Variants in NDST3 observed in about 807,000 individuals in gnomAD.
NDST3 encodes the protein N-deacetylase and N-sulfotransferase 3.
Under a neutral mutation model 96.1 loss-of-function variants are expected in NDST3, and 58 were observed. The ratio of observed to expected loss-of-function variants is 0.60; its 90% CI spans 0.49 to 0.75. NDST3 has a LOEUF of 0.75. Ranked by LOEUF, NDST3 falls within the 30% of genes least tolerant of loss-of-function variation. NDST3 has a pLI of 0.00. For synonymous variants in NDST3, 333 were observed against 359.7 expected (o/e 0.93, Z 0.84); for missense variants, 788 against 1,034.2 (o/e 0.76, Z 3.27).
At chr4:118,251,285 C>A (rs1334871846) in intron 12 of NDST3, among the ~76,000 whole-genome samples, 4 of 151,238 alleles carry the variant, frequency 2.6e-5, no homozygotes, top group African/African-American at 9.7e-5. Flanking sequence ...TGCCACCACG[C>A]CCGGCTAATT....
At chr4:118,076,014 ATTTG>A in intron 2 of NDST3, among the ~76,000 whole-genome samples, 1 of 152,088 alleles carries the variant, frequency 6.6e-6, no homozygotes, top group Admixed American at 6.5e-5. Flanking sequence ...TTCCCTTAGT[ATTTG>A]TTTGTTTGCA....
intron 2 of NDST3, among the ~76,000 whole-genome samples, chr4:118,071,079 AT>A (rs1188222757): frequency 6.6e-6 from 1 of 152,028 alleles, no homozygotes; most frequent in Non-Finnish European, 1.5e-5. Flanking sequence ...GCTGCATAGT[AT>A]TCCATGGTGT....
At chr4:118,066,208 TATTA>T in intron 2 of NDST3, among the ~76,000 whole-genome samples, 1 of 71,284 alleles carries the variant, frequency 1.4e-5, no homozygotes, top group African/African-American at 5.5e-5. Flanking sequence ...ATATTTTATA[TATTA>T]TACATAATAT....
intron 1 of NDST3, among the ~76,000 whole-genome samples, chr4:118,039,684 A>T (rs1430303314): frequency 6.6e-6 from 1 of 152,166 alleles, no homozygotes; most frequent in East Asian, 1.9e-4. Context: ...AGGGATATAT[A>T]TACTTAGAAC....
chr4:118,068,790 A>G (rs1477442898), intron 2 of NDST3, among the ~76,000 whole-genome samples: 1 of 152,112 alleles, frequency 6.6e-6, no homozygotes, highest in Non-Finnish European at 1.5e-5. Context: ...GTTGTATAAA[A>G]ATATTTAATT....
At chr4:118,033,730 G>A (rs1724000431), upstream of NDST3, 1 of 152,268 alleles carries the variant, frequency 6.6e-6, no homozygotes, top group African/African-American at 2.4e-5. Flanking sequence ...AGCGGCCGAA[G>A]TCGCCACCAG....
At chr4:118,141,048 C>T (rs144431602) in intron 5 of NDST3, among the ~76,000 whole-genome samples, 47 of 152,244 alleles carry the variant, frequency 3.1e-4, no homozygotes, top group African/African-American at 1.1e-3. Flanking sequence ...ATTGGTATCT[C>T]CCCAGAAGTA....
intron 2 of NDST3, among the ~76,000 whole-genome samples, chr4:118,070,554 T>C (rs1248365472): frequency 3.7e-4 from 56 of 152,106 alleles, no homozygotes; most frequent in Admixed American, 3.7e-3. Flanking sequence ...TCCATAAGCT[T>C]ACTTTTAATT....
intron 6 of NDST3, among the ~76,000 whole-genome samples, chr4:118,192,877 G>A (rs972502827): frequency 5.9e-5 from 9 of 152,102 alleles, no homozygotes; most frequent in Non-Finnish European, 1.3e-4. Context: ...GGGGACAGGG[G>A]GTGGTCACCA....
chr4:118,247,010 T>C (rs1028953976), intron 12 of NDST3, among the ~76,000 whole-genome samples: 7 of 152,150 alleles, frequency 4.6e-5, no homozygotes, highest in Admixed American at 3.3e-4. Context: ...TTTTGCAGTT[T>C]CTTAAAAACT....
Position 118,091,845 on chromosome 4 carries a change from T to C in NDST3, c.982-13173T>C, listed in dbSNP as rs191411226. Among the ~76,000 whole-genome samples the C allele has an allele frequency of 6.7e-3, 1,012 of 151,922 alleles. 8 individuals carry two copies. The highest frequency in any genetic ancestry group is 0.023 in the African/African-American group (970 of 41,488). On this transcript the variant is annotated intron_variant, in intron 2 of 13. Transcript: ENST00000296499. ...TATTATAATTGACTTCATTTTATAA[T>C]CTCTACTATGTTTTTTCTTTTTCTT...
At chr4:118,130,598 C>T (rs1228201278) in intron 4 of NDST3, among the ~76,000 whole-genome samples, 3 of 152,134 alleles carry the variant, frequency 2.0e-5, no homozygotes, top group African/African-American at 7.2e-5. Flanking sequence ...GAAGTTTACA[C>T]ACCACCATTA....
At chr4:118,109,935 G>C (rs1408505996) in intron 3 of NDST3, among the ~76,000 whole-genome samples, 1 of 151,956 alleles carries the variant, frequency 6.6e-6, no homozygotes, top group African/African-American at 2.4e-5. Context: ...GAAATAAAGG[G>C]GTAAAACATA....
chr4:118,098,801 AGCCCT>A (rs1278819999), intron 2 of NDST3, among the ~76,000 whole-genome samples: 1 of 152,090 alleles, frequency 6.6e-6, no homozygotes, highest in African/African-American at 2.4e-5. Context: ...AAGGATATAA[AGCCCT>A]GTGAAGTTAC....
Position 118,138,367 on chromosome 4 carries a change from T to C in NDST3, c.1410+128T>C, listed in dbSNP as rs1223843269. Reference sequence around the variant, plus strand: ...AAGCTCCATGCTGCAGGAAGCATATTTGTCATATCTAAGCAGAAAATGTTT... The same window carrying C: ...AAGCTCCATGCTGCAGGAAGCATATCTGTCATATCTAAGCAGAAAATGTTT... On this transcript the variant is annotated intron_variant, in intron 5 of 13. Coordinates refer to ENST00000296499, the MANE Select transcript of NDST3 (RefSeq NM_004784.3). 5 of 704,124 alleles carry C rather than the reference T, an allele frequency of 7.1e-6. No homozygotes were observed. In the East Asian group the frequency reaches 1.5e-4, roughly 21 times the overall value. 43.6% of individuals were successfully genotyped at this position (704,124 alleles called of 1,614,324 possible). A position where few individuals can be genotyped will look rare whatever the true frequency, so the allele number is the denominator to read the frequency against.
intron 6 of NDST3, among the ~76,000 whole-genome samples, chr4:118,147,307 TGA>T (rs946098579): frequency 6.6e-6 from 1 of 152,172 alleles, no homozygotes; most frequent in Non-Finnish European, 1.5e-5. Context: ...AGGATGGTAA[TGA>T]GAGTTACCTC....
chr4:118,230,779 T>G (rs1337693629), intron 8 of NDST3, among the ~76,000 whole-genome samples: 2 of 152,162 alleles, frequency 1.3e-5, no homozygotes, highest in East Asian at 3.9e-4. Flanking sequence ...CCTATAATGA[T>G]CTATGATTAC....
intron 3 of NDST3, among the ~76,000 whole-genome samples, chr4:118,109,139 C>G (rs1400527728): frequency 6.6e-6 from 1 of 152,314 alleles, no homozygotes; most frequent in South Asian, 2.1e-4. Context: ...GCTCCAAGAG[C>G]TTAAGGAAAC....
At chr4:118,045,630 C>T (rs1035228554) in intron 1 of NDST3, among the ~76,000 whole-genome samples, 5 of 152,000 alleles carry the variant, frequency 3.3e-5, no homozygotes, top group Non-Finnish European at 7.4e-5. Context: ...TAAAGATAAA[C>T]ATATTGTTCA....
Sources: gnomAD v4.1 joint callset for allele counts (sites outside exome capture counted in the v4.1 genomes callset) on GRCh38, gnomAD v4.1.1 for gene constraint, MANE v1.5 for transcripts, NCBI Gene and HGNC (gene_info 2026-07-23, HGNC 2026-07-21) for gene names.